The following JARID2 variants were observed in gnomAD, a reference collection of about 807,000 sequenced individuals.
JARID2 encodes the protein jumonji and AT-rich interaction domain containing 2.
JARID2 carries 21 observed loss-of-function variants against 125.6 expected under a neutral mutation model. That is an observed-to-expected ratio of 0.17 (90% CI 0.12 to 0.24). The LOEUF (loss-of-function observed/expected upper bound fraction) is 0.24, where lower values mean the gene tolerates loss of function less well. JARID2 is among the 10% of genes least tolerant of loss of function. The probability of loss-of-function intolerance (pLI) is 1.00; values close to 1 mark genes in which losing one functional copy is unlikely to be tolerated. For missense variants in JARID2, 1,303 were observed against 1,639.6 expected, an observed-to-expected ratio of 0.79 and a Z score of 3.55; for synonymous variants, 736 against 661.6, an observed-to-expected ratio of 1.11 and a Z score of -1.73.
At chr6:15,474,544 A>C (rs1769249636) in intron 5 of JARID2, among the ~76,000 whole-genome samples, 1 of 148,730 alleles carries the variant, frequency 6.7e-6, no homozygotes, top group South Asian at 2.1e-4. Flanking sequence ...CTTAATTTCT[A>C]CTTCTGTGAA....
At chr6:15,473,677 C>T (rs771780679) in intron 5 of JARID2, among the ~76,000 whole-genome samples, 5 of 152,150 alleles carry the variant, frequency 3.3e-5, no homozygotes, top group South Asian at 2.1e-4. Context: ...TGTAGGCATC[C>T]GAGTACCAAG....
rs370487471 is a variant in JARID2, at chr6:15,462,069, C to T, written c.494-6473C>T. Among the ~76,000 whole-genome samples, 14 of 152,188 alleles carry T rather than the reference C, an allele frequency of 9.2e-5. No individual in the cohort carries two copies. In the South Asian group the frequency reaches 1.2e-3, roughly 14 times the overall value. ...CATACCAGAAAGGACATTAAGTGAA[C>T]GTTTTACATTCATTTTAATTTTAAC... On this transcript the variant is annotated intron_variant, in intron 4 of 17. Transcript: ENST00000341776.
intron 6 of JARID2, among the ~76,000 whole-genome samples, chr6:15,492,462 C>T (rs1027308125): frequency 1.3e-5 from 2 of 152,136 alleles, no homozygotes. Flanking sequence ...TTGAGGGAGA[C>T]CTTCGGTAAC....
At position 15,483,907 on chromosome 6, in the gene JARID2, A is replaced by G. The variant is rs558617461; in HGVS notation, c.671-3400A>G. Among the ~76,000 whole-genome samples, 264 of 152,262 alleles carry G rather than the reference A, an allele frequency of 1.7e-3. 1 individual carries two copies. Among genetic ancestry groups the G allele is most frequent in the African/African-American group, 6.2e-3 (256 of 41,550 alleles). On this transcript the variant is annotated intron_variant, in intron 5 of 17. Coordinates refer to ENST00000341776, the MANE Select transcript of JARID2 (RefSeq NM_004973.4). ...CTCCACATCCTTGCAATCAGTCATC[A>G]TTATCCATCTTTATGATATGACTTT...
intron 1 of JARID2, among the ~76,000 whole-genome samples, chr6:15,289,597 C>A (rs1761131207): frequency 6.6e-6 from 1 of 151,848 alleles, no homozygotes; most frequent in Non-Finnish European, 1.5e-5. Context: ...TGAGTCACAT[C>A]TGTAATCCCA....
intron 1 of JARID2, among the ~76,000 whole-genome samples, chr6:15,337,654 G>A (rs928746489): frequency 6.6e-6 from 1 of 152,168 alleles, no homozygotes; most frequent in African/African-American, 2.4e-5. Flanking sequence ...TAAGCAAGGG[G>A]CTTTCTCCCC....
intron 2 of JARID2, among the ~76,000 whole-genome samples, chr6:15,401,298 G>C (rs1765424202): frequency 6.6e-6 from 1 of 152,190 alleles, no homozygotes. Context: ...GAGAATTAAT[G>C]TCGCTCTTAA....
intron 2 of JARID2, among the ~76,000 whole-genome samples, chr6:15,407,902 A>G (rs1027671312): frequency 2.6e-5 from 4 of 152,192 alleles, no homozygotes; most frequent in African/African-American, 7.2e-5. Context: ...TAAATTCAGA[A>G]TTGATCCCTT....
At chr6:15,248,265 G>T in intron 1 of JARID2, 1 of 175,716 alleles carries the variant, frequency 5.7e-6, no homozygotes, top group South Asian at 1.9e-4. Context: ...GGGGCTGGGC[G>T]GGCGGGCGCG....
intron 1 of JARID2, among the ~76,000 whole-genome samples, chr6:15,347,349 G>A (rs1164096609): frequency 2.0e-5 from 3 of 152,172 alleles, no homozygotes; most frequent in Non-Finnish European, 2.9e-5. Context: ...GAGGTGGTGG[G>A]AAGTATGGGA....
intron 3 of JARID2, among the ~76,000 whole-genome samples, chr6:15,437,151 C>T (rs887621731): frequency 3.9e-5 from 6 of 152,122 alleles, no homozygotes; most frequent in African/African-American, 1.4e-4. Flanking sequence ...TGATTGAGTT[C>T]CCAAGCCAAT....
Position 15,496,801 on chromosome 6 carries a change from T to C in JARID2, c.1576T>C (p.Ser526Pro), listed in dbSNP as rs768700724. ...GGACAGCGCCTCCTGTGAAAATCGT[T>C]CTACCTCGCAACCGGAGTCCGTGCA... ...KADSASCENR[S>P]TSQPESVHKP... is the part of the protein sequence containing the mutation. Residue 526 changes from serine (S) to proline (P), a missense_variant, in exon 7 of 18, where the codon TCT becomes CCT. Physicochemically the swap from Ser to Pro is moderately conservative, Grantham distance 74. This residue lies in a region of JARID2 where 651 missense variants were observed against 581.6 expected (regional missense o/e 1.12). Transcript: ENST00000341776. The C allele has an allele frequency of 6.2e-7, 1 of 1,609,264 alleles. No individual in the cohort carries two copies. The highest frequency in any genetic ancestry group is 8.5e-7 in the Non-Finnish European group (1 of 1,177,420).
intron 2 of JARID2, among the ~76,000 whole-genome samples, chr6:15,389,012 G>A (rs76050662): frequency 0.027 from 4,063 of 152,188 alleles, 179 homozygotes; most frequent in African/African-American, 0.091. Flanking sequence ...GGAAGGCCAC[G>A]TGTGGAGGCT....
At chr6:15,293,806 A>C (rs1266255684) in intron 1 of JARID2, among the ~76,000 whole-genome samples, 1 of 152,166 alleles carries the variant, frequency 6.6e-6, no homozygotes, top group African/African-American at 2.4e-5. Context: ...TTAAGTGGGT[A>C]TGTCATAGCA....
chr6:15,505,290 C>CAG (rs1770944289), intron 9 of JARID2: 2 of 150,992 alleles, frequency 1.3e-5, no homozygotes, highest in Admixed American at 6.6e-5. Flanking sequence ...GGCCGGGGAA[C>CAG]AGGAGGTATT....
intron 5 of JARID2, among the ~76,000 whole-genome samples, chr6:15,477,577 C>A (rs1769408723): frequency 6.6e-6 from 1 of 150,874 alleles, no homozygotes; most frequent in African/African-American, 2.4e-5. Context: ...TGTTTCTAAC[C>A]ACCCCCTTTA....
At chr6:15,304,166 A>C (rs1581390932) in intron 1 of JARID2, among the ~76,000 whole-genome samples, 1 of 152,070 alleles carries the variant, frequency 6.6e-6, no homozygotes, top group Admixed American at 6.6e-5. Flanking sequence ...AGCCTTGATA[A>C]CCAGCTGAGG....
Position 15,520,322 on chromosome 6 carries a change from C to G in JARID2, c.*71C>G. The G allele has an allele frequency of 8.5e-7, 1 of 1,175,344 alleles. No individual in the cohort carries two copies. Among genetic ancestry groups the G allele is most frequent in the Non-Finnish European group, 1.2e-6 (1 of 863,944 alleles). The allele number at this position is 1,175,344 out of a possible 1,614,324, so 72.8% of individuals were successfully genotyped here. On this transcript the variant is annotated 3_prime_UTR_variant, in exon 18 of 18. Transcript: ENST00000341776. ...ATTATATTCTAGTTTGGAGTACTTG[C>G]TGTAGGATTCAAGCTGTCTTTGCAC...
chr6:15,292,227 T>A (rs1254153984), intron 1 of JARID2, among the ~76,000 whole-genome samples: 1 of 152,038 alleles, frequency 6.6e-6, no homozygotes, highest in Admixed American at 6.6e-5. Flanking sequence ...TTCACTGTGT[T>A]AGCCAGGATG....
Sources: gnomAD v4.1 joint callset for allele counts (sites outside exome capture counted in the v4.1 genomes callset) on GRCh38, gnomAD v4.1.1 for gene constraint, gnomAD v4.1.1 regional missense constraint, MANE v1.5 for transcripts, NCBI Gene and HGNC (gene_info 2026-07-23, HGNC 2026-07-21) for gene names.